Variants in ZNF804B observed in about 807,000 individuals in gnomAD.
The protein encoded by ZNF804B is zinc finger 804B.
A neutral mutation model predicts 101.4 loss-of-function variants in ZNF804B; 80 were observed. The ratio of observed to expected loss-of-function variants is 0.79; its 90% CI spans 0.66 to 0.95. The LOEUF (loss-of-function observed/expected upper bound fraction) is 0.95. Among genes scored for constraint, ZNF804B ranks in the 40% least tolerant of loss-of-function variants. The pLI, the probability that ZNF804B is intolerant of heterozygous loss-of-function variation, is 0.00. For synonymous variants in ZNF804B, 622 were observed against 558.8 expected, an observed-to-expected ratio of 1.11 and a Z score of -1.59; for missense variants, 1,673 against 1,561.9, an observed-to-expected ratio of 1.07 and a Z score of -1.20.
chr7:88,919,386 A>G (rs1792686066), intron 1 of ZNF804B, among the ~76,000 whole-genome samples: 1 of 152,134 alleles, frequency 6.6e-6, no homozygotes, highest in South Asian at 2.1e-4. Context: ...TCAATTGTTA[A>G]CCAGAAAAGG....
At chr7:88,857,918 G>A (rs913461465) in intron 1 of ZNF804B, among the ~76,000 whole-genome samples, 1 of 130,140 alleles carries the variant, frequency 7.7e-6, no homozygotes, top group African/African-American at 3.0e-5. Flanking sequence ...CCACCTCCCA[G>A]GATCAAGCGA....
chr7:88,927,694 G>T (rs1324561921), intron 1 of ZNF804B, among the ~76,000 whole-genome samples: 3 of 151,762 alleles, frequency 2.0e-5, no homozygotes, highest in African/African-American at 7.3e-5. Flanking sequence ...TCCAATAATT[G>T]GTTTCTAGCC....
chr7:89,058,911 C>G (rs2116278211), intron 1 of ZNF804B, among the ~76,000 whole-genome samples: 1 of 152,208 alleles, frequency 6.6e-6, no homozygotes, highest in African/African-American at 2.4e-5. Flanking sequence ...CCAGGCTGGT[C>G]TCTAACTCCT....
chr7:89,297,892 C>G (rs1335735219), intron 2 of ZNF804B, among the ~76,000 whole-genome samples: 2 of 151,092 alleles, frequency 1.3e-5, no homozygotes, highest in Non-Finnish European at 2.9e-5. Context: ...TCCCCATATT[C>G]AAATTCCATA....
At chr7:88,795,025 T>C (rs1441635818) in intron 1 of ZNF804B, 2 of 1,160,462 alleles carry the variant, frequency 1.7e-6, no homozygotes, top group Non-Finnish European at 2.3e-6. Context: ...TCTTTACTGA[T>C]GAACTCGTGT....
chr7:89,215,885 AAAT>A (rs764447332), intron 1 of ZNF804B, among the ~76,000 whole-genome samples: 11,620 of 135,092 alleles, frequency 0.086, 581 homozygotes, highest in Middle Eastern at 0.13. Flanking sequence ...CTCCGTCTCT[AAAT>A]AAATAAATAA....
chr7:89,209,206 C>G (rs867309617), intron 1 of ZNF804B, among the ~76,000 whole-genome samples: 5 of 151,766 alleles, frequency 3.3e-5, no homozygotes, highest in Admixed American at 3.3e-4. Flanking sequence ...AGAAACAATG[C>G]TGAGTTGTCC....
chr7:89,307,185 T>A (rs555782957), intron 2 of ZNF804B, among the ~76,000 whole-genome samples: 1 of 152,104 alleles, frequency 6.6e-6, no homozygotes, highest in South Asian at 2.1e-4. Flanking sequence ...TCAGAATAAA[T>A]CTAAGGAAAC....
At chr7:89,077,750 TTC>T (rs774004768) in intron 1 of ZNF804B, among the ~76,000 whole-genome samples, 1 of 152,162 alleles carries the variant, frequency 6.6e-6, no homozygotes, top group Non-Finnish European at 1.5e-5. Context: ...TTCCCCAAGG[TTC>T]TCTCTTTCTT....
At chr7:89,000,520 A>C (rs1447132915) in intron 1 of ZNF804B, among the ~76,000 whole-genome samples, 1 of 151,992 alleles carries the variant, frequency 6.6e-6, no homozygotes, top group Non-Finnish European at 1.5e-5. Context: ...ATATACATAT[A>C]TTTCGTGAAT....
chr7:88,905,352 G>GT (rs957717228), intron 1 of ZNF804B, among the ~76,000 whole-genome samples: 1 of 151,474 alleles, frequency 6.6e-6, no homozygotes, highest in Non-Finnish European at 1.5e-5. Context: ...CAGTATGCTA[G>GT]TTTTTTGTTT....
At chr7:89,171,335 T>C (rs1432701219) in intron 1 of ZNF804B, among the ~76,000 whole-genome samples, 12,308 of 124,572 alleles carry the variant, frequency 0.099, 1,054 homozygotes, top group Non-Finnish European at 0.13. Context: ...CTTCTTCTTC[T>C]TCTTCTTCTT....
intron 1 of ZNF804B, among the ~76,000 whole-genome samples, chr7:89,094,076 T>C (rs1417613658): frequency 6.6e-6 from 1 of 152,218 alleles, no homozygotes; most frequent in African/African-American, 2.4e-5. Context: ...TTACAAACAC[T>C]TTATACTATT....
rs2116015370 is a variant in ZNF804B, at chr7:89,337,985, G to C, written c.*953G>C. On this transcript the variant is annotated 3_prime_UTR_variant, in exon 4 of 4. Transcript: ENST00000333190. The stretch of plus-strand genomic sequence containing the variant: ...TTGAGGATATCTTATTAAATATCTG[G>C]TGTGTTTTATTCAATTGTACTAGAT... Among the ~76,000 whole-genome samples, 1 of 151,856 alleles carries C rather than the reference G, an allele frequency of 6.6e-6. No individual in the cohort carries two copies. The highest frequency in any genetic ancestry group is 2.1e-4 in the South Asian group (1 of 4,822).
chr7:88,894,791 AT>A (rs1792263201), intron 1 of ZNF804B, among the ~76,000 whole-genome samples: 1 of 152,168 alleles, frequency 6.6e-6, no homozygotes, highest in South Asian at 2.1e-4. Context: ...ATGATATAAT[AT>A]TCTAGAAAAG....
chr7:88,867,982 A>T (rs1038440825), intron 1 of ZNF804B, among the ~76,000 whole-genome samples: 1 of 152,066 alleles, frequency 6.6e-6, no homozygotes, highest in Admixed American at 6.6e-5. Flanking sequence ...GTCTGTTAGC[A>T]TAATCACCTA....
At chr7:89,232,973 G>C (rs1789219286) in intron 2 of ZNF804B, among the ~76,000 whole-genome samples, 1 of 152,102 alleles carries the variant, frequency 6.6e-6, no homozygotes, top group African/African-American at 2.4e-5. Flanking sequence ...CCAGGCTGGA[G>C]TGCAGTGGCG....
intron 1 of ZNF804B, among the ~76,000 whole-genome samples, chr7:88,880,273 G>A (rs963018885): frequency 1.2e-4 from 19 of 152,188 alleles, no homozygotes; most frequent in African/African-American, 4.1e-4. Context: ...TTCATAATCA[G>A]TTTCAGCTTT....
At chr7:89,327,245 A>G in intron 2 of ZNF804B, 99 bp from the exon 3 acceptor site, 1 of 1,150,836 alleles carries the variant, frequency 8.7e-7, no homozygotes, top group Non-Finnish European at 1.2e-6. Context: ...CCAGAAAGTC[A>G]CCTCTGCACT....
Sources: allele counts gnomAD v4.1 joint callset (sites outside exome capture counted in the v4.1 genomes callset), GRCh38; gene constraint gnomAD v4.1.1; transcripts MANE v1.5; gene names NCBI Gene and HGNC (gene_info 2026-07-23, HGNC 2026-07-21).